Variants in PIGL observed in about 807,000 individuals in gnomAD.
PIGL encodes the protein N-acetylglucosaminyl-phosphatidylinositol de-N-acetylase.
PIGL carries 22 observed loss-of-function variants against 31.1 expected under a neutral mutation model. The observed-to-expected ratio is 0.71, with a 90% confidence interval of 0.51 to 1.01. The LOEUF is 1.01. PIGL is among the 50% of genes least tolerant of loss of function. PIGL has a pLI of 0.00. For missense variants in PIGL, 302 were observed against 315.9 expected (o/e 0.96, Z 0.33); for synonymous variants, 131 against 117.4 (o/e 1.12, Z -0.75).
chr17:16,312,213 G>C lies in PIGL; in HGVS notation c.427-1334G>C, dbSNP rs541049586. 8.1e-3 allele frequency among the ~76,000 whole-genome samples: 1,225 copies of C among 151,116 alleles called. 3 individuals are homozygous for C. Among genetic ancestry groups the C allele is most frequent in the Non-Finnish European group, 0.013 (875 of 67,712 alleles). ...TCCTCACTTCCCAGATGGGGCGGCT[G>C]CCGGGCGGAGGGGCTCCTCACTTCT... On this transcript the variant is annotated intron_variant, in intron 3 of 6. Coordinates refer to ENST00000225609, the MANE Select transcript of PIGL (RefSeq NM_004278.4).
intron 3 of PIGL, chr17:16,300,240 G>A: frequency 2.4e-6 from 1 of 411,076 alleles, no homozygotes; most frequent in South Asian, 3.6e-5. Flanking sequence ...TCTAAACTGT[G>A]TCCTCCTTAA....
At chr17:16,263,049 G>A (rs1301639752) in intron 2 of PIGL, among the ~76,000 whole-genome samples, 1 of 149,832 alleles carries the variant, frequency 6.7e-6, no homozygotes, top group Non-Finnish European at 1.5e-5. Flanking sequence ...TTTGCCAGGG[G>A]TTGGGAGGAG....
Position 16,317,847 on chromosome 17 carries a change from C to A in PIGL, c.599C>A (p.Ser200Tyr). ...ATCTCCCTTCTGGATCTGCCCTTGT[C>A]TCTGCTTCATACGCAGGATGTCCTC... ...KYISLLDLPLSLLHTQDVLFV... is the reference protein window; with the variant it reads ...KYISLLDLPLYLLHTQDVLFV... The change falls in exon 6 of 7, where the codon TCT becomes TAT. Residue 200 changes from serine to tyrosine, a missense_variant. Ser to Tyr is a moderately radical substitution (Grantham distance 144). Transcript: ENST00000225609. The A allele has an allele frequency of 2.5e-6, 4 of 1,614,148 alleles. No homozygotes were observed. The highest frequency in any genetic ancestry group is 3.4e-6 in the Non-Finnish European group (4 of 1,180,048).
chr17:16,245,576 TG>T lies in PIGL; in HGVS notation c.335+11507del, dbSNP rs531457081. On this transcript the variant is annotated intron_variant, in intron 2 of 6. Coordinates refer to ENST00000225609, the MANE Select transcript of PIGL (RefSeq NM_004278.4). Reference sequence around the variant, plus strand: ...GGCTGGAGTGCAGTGGCTAATTTTTTGTATTTTTAGTAGAGACGGGGTTTCA... The same window carrying T: ...GGCTGGAGTGCAGTGGCTAATTTTTTTATTTTTAGTAGAGACGGGGTTTCA... Among the ~76,000 whole-genome samples, 458 of 149,920 alleles carry T rather than the reference TG, an allele frequency of 3.1e-3. 1 individual carries two copies. The highest frequency in any genetic ancestry group is 5.7e-3 in the South Asian group (27 of 4,714).
chr17:16,320,239 AAGG>A (rs2093098079), intron 6 of PIGL, among the ~76,000 whole-genome samples: 1 of 97,662 alleles, frequency 1.0e-5, no homozygotes, highest in Non-Finnish European at 2.0e-5. Context: ...GGAAGGAAGG[AAGG>A]AAGGAAGGAA....
At chr17:16,317,131 T>A in intron 5 of PIGL, 1 of 1,025,198 alleles carries the variant, frequency 9.8e-7, no homozygotes, top group Non-Finnish European at 1.2e-6. Flanking sequence ...CCTGACCATT[T>A]ACTGCATGAC....
chr17:16,292,405 A>C (rs2092964948), intron 2 of PIGL, among the ~76,000 whole-genome samples: 1 of 152,108 alleles, frequency 6.6e-6, no homozygotes, highest in African/African-American at 2.4e-5. Flanking sequence ...TTAAAAAAAA[A>C]AAAACACTCC....
chr17:16,230,384 G>A (rs1231576598), intron 1 of PIGL, among the ~76,000 whole-genome samples: 10 of 152,068 alleles, frequency 6.6e-5, no homozygotes, highest in Middle Eastern at 3.2e-3. Flanking sequence ...TCAGTTATGC[G>A]TCAAAATCTT....
intron 2 of PIGL, among the ~76,000 whole-genome samples, chr17:16,249,004 T>TA (rs1161242202): frequency 6.6e-6 from 1 of 152,160 alleles, no homozygotes; most frequent in African/African-American, 2.4e-5. Context: ...TTCCTTTTCT[T>TA]ATAGCACCAC....
intron 2 of PIGL, among the ~76,000 whole-genome samples, chr17:16,258,376 T>A (rs2092805933): frequency 6.6e-6 from 1 of 151,418 alleles, no homozygotes; most frequent in African/African-American, 2.4e-5. Flanking sequence ...GACGGCATTT[T>A]GCGATATCGG....
At chr17:16,306,811 G>T (rs569844093) in intron 3 of PIGL, among the ~76,000 whole-genome samples, 9 of 152,176 alleles carry the variant, frequency 5.9e-5, no homozygotes, top group Non-Finnish European at 8.8e-5. Context: ...TTACAGGCGT[G>T]AGCCACCGCA....
chr17:16,227,451 A>T (rs769904848), intron 1 of PIGL, among the ~76,000 whole-genome samples: 1 of 152,074 alleles, frequency 6.6e-6, no homozygotes, highest in African/African-American at 2.4e-5. Flanking sequence ...TATGAATGCA[A>T]TCCTTTTGGG....
intron 3 of PIGL, among the ~76,000 whole-genome samples, chr17:16,311,390 C>T (rs1289896931): frequency 6.9e-6 from 1 of 145,332 alleles, no homozygotes; most frequent in East Asian, 2.0e-4. Context: ...GATAATTGCA[C>T]CACAGACATG....
chr17:16,291,453 G>C (rs1298648150), intron 2 of PIGL, among the ~76,000 whole-genome samples: 1 of 148,826 alleles, frequency 6.7e-6, no homozygotes, highest in African/African-American at 2.5e-5. Context: ...TTTGCAGTGA[G>C]CTGAGATTGT....
chr17:16,275,231 C>T (rs141748103), intron 2 of PIGL, among the ~76,000 whole-genome samples: 9 of 152,110 alleles, frequency 5.9e-5, no homozygotes, highest in Non-Finnish European at 1.0e-4. Context: ...GACCATAGAG[C>T]GTAACTTCCT....
intron 1 of PIGL, chr17:16,218,102 A>G (rs2092604307): frequency 6.6e-6 from 1 of 152,256 alleles, no homozygotes; most frequent in African/African-American, 2.4e-5. Context: ...AAGCTGGAAT[A>G]TGGTGATAAT....
In PIGL at chr17:16,308,771, A is replaced by G. The variant is rs139258650; in HGVS notation, c.427-4776A>G. On this transcript the variant is annotated intron_variant, in intron 3 of 6. Transcript: ENST00000225609. ...CACCATACTACTTATACACTAATTTAAAAAAGCCACTGCATCCAGGCTTTT... is the reference window on the plus strand; with the variant it reads ...CACCATACTACTTATACACTAATTTGAAAAAGCCACTGCATCCAGGCTTTT... Among the ~76,000 whole-genome samples the G allele has an allele frequency of 7.6e-3, 1,137 of 150,538 alleles. 16 individuals carry two copies. Among genetic ancestry groups the G allele is most frequent in the African/African-American group, 0.026 (1,066 of 41,020 alleles).
At chr17:16,303,018 G>T (rs767544542) in intron 3 of PIGL, among the ~76,000 whole-genome samples, 21 of 152,128 alleles carry the variant, frequency 1.4e-4, no homozygotes, top group Non-Finnish European at 2.8e-4. Context: ...TTCAGACCAT[G>T]TTGCAGCTGA....
At chr17:16,263,748 C>T (rs2142754581) in intron 2 of PIGL, among the ~76,000 whole-genome samples, 1 of 151,394 alleles carries the variant, frequency 6.6e-6, no homozygotes, top group Non-Finnish European at 1.5e-5. Context: ...GTCTTGATCT[C>T]CTGACCTCAT....
Sources: gnomAD v4.1 joint callset for allele counts (sites outside exome capture counted in the v4.1 genomes callset) on GRCh38, gnomAD v4.1.1 for gene constraint, MANE v1.5 for transcripts, NCBI Gene and HGNC (gene_info 2026-07-23, HGNC 2026-07-21) for gene names.